Variants in MDGA2 observed in about 807,000 individuals in gnomAD.
The protein encoded by MDGA2 is MAM domain containing glycosylphosphatidylinositol anchor 2.
In MDGA2, 40 loss-of-function variants were observed where a neutral mutation model predicts 117.8. The ratio of observed to expected loss-of-function variants is 0.34; its 90% CI spans 0.26 to 0.44. MDGA2 has a LOEUF of 0.44. Among genes scored for constraint, MDGA2 ranks in the 20% least tolerant of loss-of-function variants. MDGA2 has a pLI of 1.00. For synonymous variants in MDGA2, 452 were observed against 439.0 expected (o/e 1.03, Z -0.37); for missense variants, 1,123 against 1,250.6 (o/e 0.90, Z 1.54).
rs1229389021 is a variant in MDGA2, at chr14:46,855,953, ATCTC to A, written c.2753-803_2753-800del. ...GATAGCTTTTATCTCATTATTTGAT[ATCTC>A]TCTTTCAATAGTTTAATGTGCTGTA... is the stretch of plus-strand genomic sequence containing the variant. On this transcript the variant is annotated intron_variant, in intron 14 of 16. Transcript: ENST00000399232. The surrounding 1 kb of genome is among the most constrained non-coding windows in gnomAD (Gnocchi z 4.1). 6.6e-6 allele frequency among the ~76,000 whole-genome samples: 1 copy of A among 152,118 alleles called. No individual in the cohort carries two copies. Among genetic ancestry groups the A allele is most frequent in the African/African-American group, 2.4e-5 (1 of 41,442 alleles).
chr14:47,432,167 A>C (rs2138529128), intron 1 of MDGA2, among the ~76,000 whole-genome samples: 1 of 152,160 alleles, frequency 6.6e-6, no homozygotes, highest in African/African-American at 2.4e-5. Context: ...AGAATAACTA[A>C]GATTCACATG....
chr14:47,616,745 C>T (rs939994036), intron 1 of MDGA2, among the ~76,000 whole-genome samples: 4 of 152,104 alleles, frequency 2.6e-5, no homozygotes, highest in African/African-American at 7.2e-5. Context: ...AATGCATTTT[C>T]CATATTTGTA....
intron 2 of MDGA2, among the ~76,000 whole-genome samples, chr14:47,243,398 C>T (rs1887131150): frequency 6.6e-6 from 1 of 151,728 alleles, no homozygotes. Flanking sequence ...CATTGGCAAC[C>T]TGCTGGGGTC....
intron 14 of MDGA2, among the ~76,000 whole-genome samples, chr14:46,858,726 C>T (rs985101328): frequency 2.0e-5 from 3 of 152,152 alleles, no homozygotes; most frequent in Non-Finnish European, 4.4e-5. Flanking sequence ...CGTGCCCGGC[C>T]TATAATACCT....
chr14:47,085,618 C>CT (rs200319028), intron 6 of MDGA2, among the ~76,000 whole-genome samples: 272 of 146,786 alleles, frequency 1.9e-3, no homozygotes, highest in Middle Eastern at 3.5e-3. Flanking sequence ...TAAATCAAGT[C>CT]TTTTTTTTTT....
intron 7 of MDGA2, among the ~76,000 whole-genome samples, chr14:47,058,085 T>G (rs1415118547): frequency 6.6e-6 from 1 of 152,078 alleles, no homozygotes; most frequent in Non-Finnish European, 1.5e-5. Context: ...CTGTCTCAGG[T>G]AAAAATGCCT....
intron 8 of MDGA2, chr14:46,997,023 T>G (rs1424533256): frequency 3.0e-6 from 1 of 329,680 alleles, no homozygotes; most frequent in African/African-American, 2.2e-5. Context: ...TGGATTTGAT[T>G]AAGGTTTGCC....
intron 8 of MDGA2, among the ~76,000 whole-genome samples, chr14:47,023,549 T>C (rs1888369157): frequency 1.3e-5 from 2 of 152,146 alleles, no homozygotes; most frequent in South Asian, 2.1e-4. Context: ...TATGAATACA[T>C]AGCAAAGCTG....
chr14:46,925,631 CA>C (rs34889177), intron 9 of MDGA2, among the ~76,000 whole-genome samples: 25,708 of 64,686 alleles, frequency 0.4, 2,110 homozygotes, highest in Non-Finnish European at 0.43. Flanking sequence ...GACTCTACCT[CA>C]AAAAAAAAAA....
At chr14:47,058,861 C>T (rs1373123298) in intron 7 of MDGA2, 7 of 985,348 alleles carry the variant, frequency 7.1e-6, no homozygotes, top group Non-Finnish European at 8.4e-6. Flanking sequence ...AGCCTGCCAT[C>T]CGTGTAGCCA....
At chr14:47,494,168 T>G (rs1045343365) in intron 1 of MDGA2, among the ~76,000 whole-genome samples, 1 of 152,348 alleles carries the variant, frequency 6.6e-6, no homozygotes, top group East Asian at 1.9e-4. Context: ...CCAGCCGTAC[T>G]GAACTGTGTG....
At chr14:47,353,589 T>A (rs967028931) in intron 1 of MDGA2, among the ~76,000 whole-genome samples, 2 of 152,184 alleles carry the variant, frequency 1.3e-5, no homozygotes, top group Non-Finnish European at 2.9e-5. Context: ...CTGAATCCAA[T>A]CTGCCTGGTG....
intron 9 of MDGA2, among the ~76,000 whole-genome samples, chr14:46,929,580 C>CGTGTGTGTGTGTGTGTGT (rs375013114): frequency 1.0e-3 from 33 of 32,996 alleles, no homozygotes; most frequent in African/African-American, 4.2e-3. Flanking sequence ...AGTATATATA[C>CGTGTGTGTGTGTGTGTGT]GTGTGTGTGT....
chr14:47,039,023 G>C (rs1169716541), intron 7 of MDGA2, among the ~76,000 whole-genome samples: 2 of 151,486 alleles, frequency 1.3e-5, no homozygotes, highest in African/African-American at 4.9e-5. Flanking sequence ...TGGCCAAAAA[G>C]ACTGTATAAT....
At chr14:47,001,253 TA>T (rs574476921) in intron 8 of MDGA2, among the ~76,000 whole-genome samples, 10 of 151,004 alleles carry the variant, frequency 6.6e-5, no homozygotes, top group East Asian at 5.9e-4. Flanking sequence ...TCCAGCTGAA[TA>T]AAAAAAAATC....
chr14:47,625,742 T>C (rs1897128320), intron 1 of MDGA2, among the ~76,000 whole-genome samples: 2 of 152,232 alleles, frequency 1.3e-5, no homozygotes, highest in Non-Finnish European at 2.9e-5. Flanking sequence ...TCAAACTTTA[T>C]TTCTCAGGAC....
intron 3 of MDGA2, among the ~76,000 whole-genome samples, chr14:47,209,962 T>A (rs1202525347): frequency 6.6e-6 from 1 of 152,182 alleles, no homozygotes; most frequent in Non-Finnish European, 1.5e-5. Context: ...GTTTGTCACG[T>A]TTCCAGAATT....
intron 8 of MDGA2, among the ~76,000 whole-genome samples, chr14:46,970,593 T>C (rs1025047411): frequency 2.0e-5 from 3 of 152,082 alleles, no homozygotes; most frequent in Non-Finnish European, 2.9e-5. Context: ...TAAAGCCAAC[T>C]AGAAAACAAC....
At position 46,882,226 on chromosome 14, in the gene MDGA2, A is replaced by T; in HGVS notation, c.2239-5T>A. The T allele has an allele frequency of 6.2e-7, 1 of 1,604,826 alleles. No homozygotes were observed. Among genetic ancestry groups the T allele is most frequent in the Non-Finnish European group, 8.5e-7 (1 of 1,175,478 alleles). On this transcript the variant is annotated splice_polypyrimidine_tract_variant and splice_region_variant and intron_variant, in intron 10 of 16. Coordinates refer to ENST00000399232, the MANE Select transcript of MDGA2 (RefSeq NM_001113498.3). ...CCACCAGCGCTGCTGTCCAGCCTGA[A>T]ATCAAAACAATAATAGAATAATGTT...
Sources: gnomAD v4.1 joint callset for allele counts (sites outside exome capture counted in the v4.1 genomes callset) on GRCh38, gnomAD v4.1.1 for gene constraint, Gnocchi (gnomAD v3.1) non-coding constraint, MANE v1.5 for transcripts, NCBI Gene and HGNC (gene_info 2026-07-23, HGNC 2026-07-21) for gene names.